The following ANGPT1 variants were observed in gnomAD, a reference collection of about 807,000 sequenced individuals.
The protein encoded by ANGPT1 is angiopoietin 1.
ANGPT1 carries 17 observed loss-of-function variants against 62.2 expected under a neutral mutation model. The ratio of observed to expected loss-of-function variants is 0.27; its 90% CI spans 0.19 to 0.41. The LOEUF is 0.41. Among genes scored for constraint, ANGPT1 ranks in the 10% least tolerant of loss-of-function variants. The pLI is 1.00. For synonymous variants in ANGPT1, 199 were observed against 198.9 expected, an observed-to-expected ratio of 1.00 and a Z score of 0.00; for missense variants, 478 against 594.9, an observed-to-expected ratio of 0.80 and a Z score of 2.04.
intron 1 of ANGPT1, among the ~76,000 whole-genome samples, chr8:107,382,309 G>A (rs1395131734): frequency 3.9e-5 from 6 of 152,144 alleles, no homozygotes; most frequent in African/African-American, 1.4e-4. Context: ...TTTCAACAAA[G>A]TAGATTACAA....
At chr8:107,446,065 G>A (rs1038647151) in intron 1 of ANGPT1, among the ~76,000 whole-genome samples, 11 of 151,978 alleles carry the variant, frequency 7.2e-5, no homozygotes, top group South Asian at 2.1e-4. Flanking sequence ...CAACAGGCAC[G>A]TGCCACCATG....
chr8:107,256,381 A>T (rs1045165397), intron 8 of ANGPT1, among the ~76,000 whole-genome samples: 13 of 152,212 alleles, frequency 8.5e-5, no homozygotes, highest in Non-Finnish European at 4.4e-5. Flanking sequence ...CTTTATTTTT[A>T]AAAATTAAGC....
chr8:107,417,810 A>G lies in ANGPT1; in HGVS notation c.298-70713T>C, dbSNP rs148881141. Among the ~76,000 whole-genome samples, 1,381 of 152,310 alleles carry G rather than the reference A, an allele frequency of 9.1e-3. 9 individuals are homozygous for G. The highest frequency in any genetic ancestry group is 0.014 in the Non-Finnish European group (978 of 68,016). The stretch of plus-strand genomic sequence containing the variant: ...TGTGAATTTTAGTCAGTTTGTTTCA[A>G]TCCTGAGATACTTAAACGTAAGGCA... On this transcript the variant is annotated intron_variant, in intron 1 of 8. Transcript: ENST00000517746.
intron 2 of ANGPT1, among the ~76,000 whole-genome samples, chr8:107,341,684 TA>T (rs1258903933): frequency 2.0e-5 from 3 of 150,588 alleles, no homozygotes; most frequent in Non-Finnish European, 4.4e-5. Flanking sequence ...ATTTATAATA[TA>T]ATAACCACTT....
chr8:107,297,683 G>A (rs1335138865), intron 5 of ANGPT1, among the ~76,000 whole-genome samples: 1 of 149,502 alleles, frequency 6.7e-6, no homozygotes, highest in Non-Finnish European at 1.5e-5. Context: ...TGATTTCTAG[G>A]CTCTAGTTAT....
chr8:107,386,944 T>C (rs1344072084), intron 1 of ANGPT1, among the ~76,000 whole-genome samples: 1 of 152,084 alleles, frequency 6.6e-6, no homozygotes, highest in Non-Finnish European at 1.5e-5. Context: ...AGTGTATTAA[T>C]TTATTAAAAA....
chr8:107,264,106 A>T, intron 8 of ANGPT1, 115 bp downstream of exon 8: 1 of 1,293,300 alleles, frequency 7.7e-7, no homozygotes, highest in Non-Finnish European at 1.0e-6. Flanking sequence ...AATGATCTCT[A>T]GGGACTTGCT....
At chr8:107,335,784 G>A (rs954314225) in intron 3 of ANGPT1, among the ~76,000 whole-genome samples, 12 of 152,094 alleles carry the variant, frequency 7.9e-5, no homozygotes, top group Admixed American at 7.2e-4. Flanking sequence ...AATTTAAGAG[G>A]CTCTATTCTC....
chr8:107,461,171 T>G (rs1563633115), intron 1 of ANGPT1, among the ~76,000 whole-genome samples: 2 of 152,198 alleles, frequency 1.3e-5, no homozygotes. Flanking sequence ...TGAGCTGGGC[T>G]AGATCATTTC....
chr8:107,295,388 C>T (rs1814388412), intron 5 of ANGPT1: 1 of 152,132 alleles, frequency 6.6e-6, no homozygotes, highest in Non-Finnish European at 1.5e-5. Flanking sequence ...TCGAGCTACA[C>T]TTTTATTTTC....
At chr8:107,265,916 T>C (rs1415890749) in intron 7 of ANGPT1, among the ~76,000 whole-genome samples, 1 of 152,012 alleles carries the variant, frequency 6.6e-6, no homozygotes, top group Non-Finnish European at 1.5e-5. Flanking sequence ...AACAATATTA[T>C]TGGATGTTTG....
At chr8:107,410,740 G>A (rs1817251054) in intron 1 of ANGPT1, among the ~76,000 whole-genome samples, 1 of 152,092 alleles carries the variant, frequency 6.6e-6, no homozygotes. Context: ...AGTTTCTCCT[G>A]CAAGCGCAAA....
At chr8:107,298,291 T>A (rs1356582095) in intron 5 of ANGPT1, among the ~76,000 whole-genome samples, 1 of 151,976 alleles carries the variant, frequency 6.6e-6, no homozygotes, top group East Asian at 1.9e-4. Flanking sequence ...AACCCATTTG[T>A]TACAGTACTT....
At chr8:107,357,050 G>T (rs975805742) in intron 1 of ANGPT1, among the ~76,000 whole-genome samples, 2 of 152,024 alleles carry the variant, frequency 1.3e-5, no homozygotes, top group African/African-American at 2.4e-5. Flanking sequence ...ACCTACATGT[G>T]TCCAGTTCTA....
At chr8:107,297,661 T>A (rs1276059785) in intron 5 of ANGPT1, among the ~76,000 whole-genome samples, 1 of 149,998 alleles carries the variant, frequency 6.7e-6, no homozygotes, top group Non-Finnish European at 1.5e-5. Context: ...CAATAAATTA[T>A]CTTTATAATT....
At chr8:107,454,178 A>T (rs1282167189) in intron 1 of ANGPT1, among the ~76,000 whole-genome samples, 1 of 152,078 alleles carries the variant, frequency 6.6e-6, no homozygotes, top group Non-Finnish European at 1.5e-5. Flanking sequence ...GAAAAGAACT[A>T]AGCATAGTGC....
At chr8:107,496,586 G>T (rs1210084364) in intron 1 of ANGPT1, among the ~76,000 whole-genome samples, 2 of 152,102 alleles carry the variant, frequency 1.3e-5, no homozygotes, top group Non-Finnish European at 2.9e-5. Flanking sequence ...TCAACAGCCA[G>T]CATGCCCTCA....
intron 1 of ANGPT1, among the ~76,000 whole-genome samples, chr8:107,447,732 T>C (rs1374147719): frequency 2.0e-5 from 3 of 152,200 alleles, no homozygotes; most frequent in Non-Finnish European, 4.4e-5. Context: ...ATGAGGCTCC[T>C]AGGCAATGAA....
At chr8:107,264,998 TAAGA>T (rs1813580418) in intron 7 of ANGPT1, among the ~76,000 whole-genome samples, 1 of 152,178 alleles carries the variant, frequency 6.6e-6, no homozygotes, top group African/African-American at 2.4e-5. Flanking sequence ...TCTAGGCACT[TAAGA>T]TATATAAGAA....
Sources: gnomAD v4.1 joint callset for allele counts (sites outside exome capture counted in the v4.1 genomes callset) on GRCh38, gnomAD v4.1.1 for gene constraint, MANE v1.5 for transcripts, NCBI Gene and HGNC (gene_info 2026-07-23, HGNC 2026-07-21) for gene names.